The following EXOC6B variants were observed in gnomAD, a reference collection of about 807,000 sequenced individuals.
EXOC6B encodes exocyst complex component 6B, also known as SEC15 homolog B.
EXOC6B carries 54 observed loss-of-function variants against 113.5 expected under a neutral mutation model. That is an observed-to-expected ratio of 0.48 (90% CI 0.38 to 0.60). The LOEUF (loss-of-function observed/expected upper bound fraction) is 0.60, where lower values mean the gene tolerates loss of function less well. Ranked by LOEUF, EXOC6B falls within the 20% of genes least tolerant of loss-of-function variation. EXOC6B has a pLI of 0.00. For synonymous variants in EXOC6B, 357 were observed against 339.0 expected, an observed-to-expected ratio of 1.05 and a Z score of -0.58; for missense variants, 797 against 977.5, an observed-to-expected ratio of 0.82 and a Z score of 2.46.
chr2:72,191,514 T>C (rs1035591628), intron 20 of EXOC6B, among the ~76,000 whole-genome samples: 2 of 152,204 alleles, frequency 1.3e-5, no homozygotes, highest in African/African-American at 2.4e-5. Flanking sequence ...GTTGTTGTTT[T>C]GTTTTGTTTT....
chr2:72,216,210 A>G lies in EXOC6B; in HGVS notation c.2197-32023T>C, dbSNP rs114889065. 5.2e-4 allele frequency among the ~76,000 whole-genome samples: 79 copies of G among 152,340 alleles called. No individual in the cohort carries two copies. The South Asian group carries it at 7.3e-3, about 14-fold the overall frequency. ...CTGTAAGATGAAGCACAAAGGGAAG[A>G]CTTAAAACAAGAATGTCTACTTTTT... On this transcript the variant is annotated intron_variant, in intron 20 of 21. Transcript: ENST00000272427.
At chr2:72,187,783 TTCAGGCCTTCTGTGGCCTGAAGG>T (rs1307867364) in intron 20 of EXOC6B, among the ~76,000 whole-genome samples, 1 of 152,160 alleles carries the variant, frequency 6.6e-6, no homozygotes, top group Non-Finnish European at 1.5e-5. Context: ...GTCACAAGCC[TTCAGGCCTTCTGTGGCCTGAAGG>T]TCAGGCCTCA....
intron 8 of EXOC6B, among the ~76,000 whole-genome samples, chr2:72,522,740 A>C (rs1701557709): frequency 6.6e-6 from 1 of 152,210 alleles, no homozygotes; most frequent in South Asian, 2.1e-4. Flanking sequence ...ACCAAGATCT[A>C]ATATCCTTAC....
At chr2:72,415,378 T>C (rs1174938043) in intron 18 of EXOC6B, among the ~76,000 whole-genome samples, 1 of 151,962 alleles carries the variant, frequency 6.6e-6, no homozygotes, top group Non-Finnish European at 1.5e-5. Context: ...GCTGACTCAT[T>C]GTGGCTGTGG....
intron 6 of EXOC6B, among the ~76,000 whole-genome samples, chr2:72,633,802 A>G (rs1005961596): frequency 6.6e-5 from 10 of 152,178 alleles, no homozygotes; most frequent in Non-Finnish European, 1.2e-4. Flanking sequence ...AAATAACTTA[A>G]AGTTTTCTGA....
chr2:72,278,225 C>CA (rs1684919116), intron 20 of EXOC6B, among the ~76,000 whole-genome samples: 1 of 152,172 alleles, frequency 6.6e-6, no homozygotes, highest in Non-Finnish European at 1.5e-5. Flanking sequence ...TGAGTCATCA[C>CA]AGGGATCATA....
chr2:72,560,671 C>T (rs1573394202), intron 7 of EXOC6B, among the ~76,000 whole-genome samples: 1 of 152,020 alleles, frequency 6.6e-6, no homozygotes, highest in South Asian at 2.1e-4. Context: ...AACTTATTGA[C>T]TATTCTGTTC....
At chr2:72,656,817 A>G (rs1674610028) in intron 6 of EXOC6B, among the ~76,000 whole-genome samples, 1 of 152,186 alleles carries the variant, frequency 6.6e-6, no homozygotes, top group Admixed American at 6.6e-5. Context: ...ATATGAATAT[A>G]AACATACACT....
At position 72,268,986 on chromosome 2, in the gene EXOC6B, C is replaced by A. The variant is rs180755974; in HGVS notation, c.2196+65961G>T. On this transcript the variant is annotated intron_variant, in intron 20 of 21. Transcript: ENST00000272427. ...TTATAGCAATCCAAGAATGGACTAA[C>A]ATACTCATATATGGCTTAAAAGCAT... is the stretch of plus-strand genomic sequence containing the variant. Among the ~76,000 whole-genome samples the A allele has an allele frequency of 3.1e-3, 479 of 152,234 alleles. 7 individuals carry two copies. Among genetic ancestry groups the A allele is most frequent in the Non-Finnish European group, 1.7e-3 (119 of 68,016 alleles).
At chr2:72,475,042 T>A (rs1280461724) in intron 17 of EXOC6B, among the ~76,000 whole-genome samples, 1 of 152,178 alleles carries the variant, frequency 6.6e-6, no homozygotes, top group Non-Finnish European at 1.5e-5. Flanking sequence ...CTATAATTTC[T>A]TCAGTGGCTC....
chr2:72,630,148 A>G (rs1217785815), intron 6 of EXOC6B, among the ~76,000 whole-genome samples: 1 of 152,144 alleles, frequency 6.6e-6, no homozygotes, highest in Non-Finnish European at 1.5e-5. Context: ...AGGTTTGGTT[A>G]CCCACCATTT....
At chr2:72,427,266 C>A (rs1371449555) in intron 18 of EXOC6B, among the ~76,000 whole-genome samples, 1 of 152,212 alleles carries the variant, frequency 6.6e-6, no homozygotes, top group Non-Finnish European at 1.5e-5. Flanking sequence ...CTCAAGCCCC[C>A]ACCCCAGGCT....
intron 6 of EXOC6B, among the ~76,000 whole-genome samples, chr2:72,642,718 T>A (rs1156941895): frequency 6.6e-6 from 1 of 150,494 alleles, no homozygotes; most frequent in South Asian, 2.1e-4. Flanking sequence ...GGACTTCATG[T>A]CTAAAACACC....
In EXOC6B at chr2:72,825,859, G is replaced by T; in HGVS notation, c.52C>A (p.His18Asn). The change falls in exon 1 of 22, where the codon CAC (histidine) becomes AAC (asparagine). Residue 18 changes from histidine (H) to asparagine (N), a missense_variant. His to Asn is a moderately conservative substitution (Grantham distance 68, BLOSUM62 1). Coordinates refer to ENST00000272427, the MANE Select transcript of EXOC6B (RefSeq NM_015189.3). This position sits in a 1 kb window ranked among gnomAD's most constrained non-coding sequence, Gnocchi z 4.4. Reference protein sequence around the residue: ...EAESLETAAEHERILREIEST... With the variant: ...EAESLETAAENERILREIEST... ...TCGATCTCTCGCAGGATCCGCTCGT[G>T]CTCTGCCGCTGTCTCCAGGCTCTCC... is the stretch of plus-strand genomic sequence containing the variant. 1 of 1,613,552 alleles carries T rather than the reference G, an allele frequency of 6.2e-7. No individual in the cohort carries two copies.
intron 20 of EXOC6B, among the ~76,000 whole-genome samples, chr2:72,204,441 G>A (rs1679697561): frequency 6.6e-6 from 1 of 152,026 alleles, no homozygotes; most frequent in South Asian, 2.1e-4. Context: ...CAGGATACTG[G>A]ACTGTTTACA....
intron 6 of EXOC6B, among the ~76,000 whole-genome samples, chr2:72,665,783 C>T (rs919207816): frequency 7.9e-5 from 12 of 152,142 alleles, no homozygotes; most frequent in African/African-American, 1.4e-4. Flanking sequence ...AAAGGAACTA[C>T]GCAATCAAAT....
At chr2:72,543,736 T>C (rs968403947) in intron 8 of EXOC6B, among the ~76,000 whole-genome samples, 1 of 152,194 alleles carries the variant, frequency 6.6e-6, no homozygotes, top group African/African-American at 2.4e-5. Context: ...ATCAATGCAG[T>C]GCACAAAGTA....
chr2:72,544,102 T>C (rs1702770122), intron 8 of EXOC6B, among the ~76,000 whole-genome samples: 1 of 152,166 alleles, frequency 6.6e-6, no homozygotes, highest in South Asian at 2.1e-4. Context: ...AGATGAATAT[T>C]TTGAGATGGA....
intron 18 of EXOC6B, among the ~76,000 whole-genome samples, chr2:72,431,318 T>G (rs1695504513): frequency 1.3e-5 from 2 of 152,176 alleles, no homozygotes; most frequent in African/African-American, 4.8e-5. Context: ...TTAATTATTT[T>G]TATTTTTTTA....
Sources: gnomAD v4.1 joint callset for allele counts (sites outside exome capture counted in the v4.1 genomes callset) on GRCh38, gnomAD v4.1.1 for gene constraint, Gnocchi (gnomAD v3.1) non-coding constraint, MANE v1.5 for transcripts, NCBI Gene and HGNC (gene_info 2026-07-23, HGNC 2026-07-21) for gene names.